The following PTPRN2 variants were observed in gnomAD, a reference collection of about 807,000 sequenced individuals.
PTPRN2 encodes protein tyrosine phosphatase receptor type N2, also known as receptor-type tyrosine-protein phosphatase N2.
PTPRN2 carries 74 observed loss-of-function variants against 118.8 expected under a neutral mutation model. The ratio of observed to expected loss-of-function variants is 0.62; its 90% confidence interval spans 0.52 to 0.76. The LOEUF is 0.76. PTPRN2 is among the 30% of genes least tolerant of loss of function. PTPRN2 has a pLI of 0.00. For synonymous variants in PTPRN2, 641 were observed against 608.0 expected (o/e 1.05, Z -0.80); for missense variants, 1,481 against 1,394.4 (o/e 1.06, Z -0.99).
intron 2 of PTPRN2, among the ~76,000 whole-genome samples, chr7:158,341,950 T>C (rs1417321861): frequency 2.1e-5 from 3 of 140,724 alleles, no homozygotes; most frequent in African/African-American, 8.3e-5. Flanking sequence ...CCATAAGAGC[T>C]GTCGCCCGCA....
intron 12 of PTPRN2, among the ~76,000 whole-genome samples, chr7:157,701,682 C>A (rs1432372362): frequency 6.6e-6 from 1 of 152,244 alleles, no homozygotes; most frequent in Non-Finnish European, 1.5e-5. Flanking sequence ...TCACAAAGCA[C>A]TGCGGTTCTA....
chr7:158,160,041 G>C (rs1343710327), intron 6 of PTPRN2, among the ~76,000 whole-genome samples: 1 of 152,194 alleles, frequency 6.6e-6, no homozygotes, highest in Non-Finnish European at 1.5e-5. Flanking sequence ...CAGGAGAGTT[G>C]CATCCTGCTG....
intron 11 of PTPRN2, among the ~76,000 whole-genome samples, chr7:158,014,893 A>T (rs1191318302): frequency 2.0e-5 from 3 of 152,094 alleles, no homozygotes; most frequent in Non-Finnish European, 4.4e-5. Context: ...TCCCCTACCT[A>T]TCTCCATCTG....
At chr7:158,065,947 A>C (rs77276899) in intron 11 of PTPRN2, among the ~76,000 whole-genome samples, 8,718 of 152,254 alleles carry the variant, frequency 0.057, 519 homozygotes, top group African/African-American at 0.15. Context: ...ATGGGCAGGA[A>C]TGCATGCAAA....
rs1274210134 is a variant in PTPRN2 at position 158,587,730 on chromosome 7, C to A, written c.-61G>T. On this transcript the variant is annotated 5_prime_UTR_variant, in exon 1 of 23. Coordinates refer to ENST00000389418, the MANE Select transcript of PTPRN2 (RefSeq NM_002847.5). ...CGCGCGGGAGGCGGCGGGAGGCGGCCGAGTCCGGGCCCAGGGAGGCGCGCG... is the reference window on the plus strand; with the variant it reads ...CGCGCGGGAGGCGGCGGGAGGCGGCAGAGTCCGGGCCCAGGGAGGCGCGCG... The A allele has an allele frequency of 1.8e-6, 2 of 1,124,488 alleles. No homozygotes were observed. Among genetic ancestry groups the A allele is most frequent in the Admixed American group, 5.0e-5 (1 of 20,040 alleles). The allele number at this position is 1,124,488 out of a possible 1,614,324, so 69.7% of individuals were successfully genotyped here.
At chr7:158,540,601 G>A (rs1825927716) in intron 1 of PTPRN2, among the ~76,000 whole-genome samples, 1 of 152,186 alleles carries the variant, frequency 6.6e-6, no homozygotes, top group African/African-American at 2.4e-5. Context: ...ACCCTCCAAA[G>A]GGACAGCAGA....
At chr7:158,296,759 C>G (rs1406911921) in intron 3 of PTPRN2, among the ~76,000 whole-genome samples, 1 of 152,206 alleles carries the variant, frequency 6.6e-6, no homozygotes, top group Non-Finnish European at 1.5e-5. Flanking sequence ...GGAACTTTTC[C>G]TGTTTCACTT....
At chr7:158,524,105 A>G (rs1248911763) in intron 1 of PTPRN2, among the ~76,000 whole-genome samples, 7 of 44,882 alleles carry the variant, frequency 1.6e-4, no homozygotes, top group Non-Finnish European at 1.6e-4. Flanking sequence ...GGAGTCGTCT[A>G]CCCTGGAGTG....
rs1804182237 is a variant in PTPRN2 at position 157,990,630 on chromosome 7, G to A, written c.1723+90668C>T. ...AGGCTGGGGGTCAGGGCTCAGGGCGGTGCTGACAGTAGGACATGCTGGTCC... is the reference window on the plus strand; with the variant it reads ...AGGCTGGGGGTCAGGGCTCAGGGCGATGCTGACAGTAGGACATGCTGGTCC... On this transcript the variant is annotated intron_variant, in intron 11 of 22. Coordinates refer to ENST00000389418, the MANE Select transcript of PTPRN2 (RefSeq NM_002847.5). The surrounding 1 kb of genome is among the most constrained non-coding windows in gnomAD (Gnocchi z 4.3). Among the ~76,000 whole-genome samples, 1 of 152,190 alleles carries A rather than the reference G, an allele frequency of 6.6e-6. No homozygotes were observed. The highest frequency in any genetic ancestry group is 2.4e-5 in the African/African-American group (1 of 41,450).
chr7:158,325,731 G>A (rs530627799), intron 2 of PTPRN2, among the ~76,000 whole-genome samples: 6 of 152,264 alleles, frequency 3.9e-5, no homozygotes, highest in South Asian at 2.1e-4. Flanking sequence ...GCAAACCACC[G>A]GGCAGGCAGA....
rs1468454731 is a variant in PTPRN2, at chr7:157,933,884, G to C, written c.1724-35147C>G. Among the ~76,000 whole-genome samples, 3 of 151,058 alleles carry C rather than the reference G, an allele frequency of 2.0e-5. No individual in the cohort carries two copies. The East Asian group carries it at 5.9e-4, about 30-fold the overall frequency. The stretch of plus-strand genomic sequence containing the variant: ...AGTCACTCTGATTGACAGTTTTAGT[G>C]GAGGGATGAGTCACCCTGATTGACA... On this transcript the variant is annotated intron_variant, in intron 11 of 22. Transcript: ENST00000389418.
At chr7:158,137,648 C>T (rs192315661) in intron 7 of PTPRN2, among the ~76,000 whole-genome samples, 157 of 152,250 alleles carry the variant, frequency 1.0e-3, no homozygotes, top group African/African-American at 3.4e-3. Flanking sequence ...TGCCTGTCAG[C>T]CAAGTCAGGC....
intron 9 of PTPRN2, among the ~76,000 whole-genome samples, chr7:158,113,078 G>C (rs1317583258): frequency 1.3e-5 from 2 of 152,084 alleles, no homozygotes; most frequent in East Asian, 3.9e-4. Context: ...GCAATGAGGG[G>C]AACTGGCAAA....
intron 5 of PTPRN2, among the ~76,000 whole-genome samples, chr7:158,169,675 A>G (rs1014385014): frequency 3.9e-5 from 6 of 151,906 alleles, no homozygotes; most frequent in Non-Finnish European, 8.8e-5. Flanking sequence ...AAAAAAGGAA[A>G]TCGGACATTA....
intron 5 of PTPRN2, among the ~76,000 whole-genome samples, chr7:158,169,011 C>T (rs908575571): frequency 6.6e-6 from 1 of 152,174 alleles, no homozygotes; most frequent in Non-Finnish European, 1.5e-5. Context: ...AAATCCCATC[C>T]GTTCATATTT....
At chr7:157,662,767 T>C (rs1270639) in intron 13 of PTPRN2, among the ~76,000 whole-genome samples, 136,043 of 152,214 alleles carry the variant, frequency 0.89, 60,866 homozygotes, top group East Asian at 0.98. Context: ...TCTGCATCCA[T>C]GCCGCGACTG....
intron 12 of PTPRN2, among the ~76,000 whole-genome samples, chr7:157,760,063 G>A (rs527401746): frequency 5.3e-5 from 8 of 152,298 alleles, no homozygotes; most frequent in South Asian, 2.1e-4. Flanking sequence ...GCTGCAGGCC[G>A]CCAGGGTGCT....
At chr7:157,666,175 A>G (rs1796129259) in intron 13 of PTPRN2, among the ~76,000 whole-genome samples, 1 of 152,018 alleles carries the variant, frequency 6.6e-6, no homozygotes, top group Non-Finnish European at 1.5e-5. Flanking sequence ...ACAAAGGGGA[A>G]GTCATTTATT....
chr7:158,549,102 C>A (rs916791524), intron 1 of PTPRN2, among the ~76,000 whole-genome samples: 1 of 152,164 alleles, frequency 6.6e-6, no homozygotes, highest in Non-Finnish European at 1.5e-5. Flanking sequence ...TTCTTGTCAT[C>A]CAAGGCGAGC....
Sources: allele counts gnomAD v4.1 joint callset (sites outside exome capture counted in the v4.1 genomes callset), GRCh38; gene constraint gnomAD v4.1.1; non-coding constraint Gnocchi (gnomAD v3.1); transcripts MANE v1.5; gene names NCBI Gene and HGNC (gene_info 2026-07-23, HGNC 2026-07-21).